STX12: variants seen among roughly 807,000 people sequenced by gnomAD.
The protein encoded by STX12 is syntaxin 12.
In STX12, 17 loss-of-function variants were observed where a neutral mutation model predicts 42.2. The ratio of observed to expected loss-of-function variants is 0.40; its 90% CI spans 0.28 to 0.60. The LOEUF (loss-of-function observed/expected upper bound fraction) is 0.60. Ranked by LOEUF, STX12 falls within the 20% of genes least tolerant of loss-of-function variation. STX12 has a pLI of 0.39. For synonymous variants in STX12, 108 were observed against 116.7 expected, an observed-to-expected ratio of 0.93 and a Z score of 0.48; for missense variants, 297 against 330.9, an observed-to-expected ratio of 0.90 and a Z score of 0.79.
At chr1:27,803,917 C>T (rs1180392612) in intron 4 of STX12, among the ~76,000 whole-genome samples, 1 of 152,018 alleles carries the variant, frequency 6.6e-6, no homozygotes, top group Admixed American at 6.6e-5. Context: ...AGGAGAATCG[C>T]TTGAACCAGG....
intron 1 of STX12, among the ~76,000 whole-genome samples, chr1:27,780,880 G>A (rs1468342062): frequency 6.6e-6 from 1 of 151,770 alleles, no homozygotes; most frequent in Admixed American, 6.6e-5. Flanking sequence ...GATCGCTTGA[G>A]CCTGGGAAGC....
intron 1 of STX12, among the ~76,000 whole-genome samples, chr1:27,775,860 G>A (rs1240847739): frequency 1.3e-5 from 2 of 152,156 alleles, no homozygotes; most frequent in African/African-American, 4.8e-5. Flanking sequence ...CATCATAGTG[G>A]GGAAGCATAG....
intron 2 of STX12, among the ~76,000 whole-genome samples, chr1:27,789,939 A>G (rs1225112578): frequency 1.3e-5 from 2 of 152,190 alleles, no homozygotes; most frequent in Non-Finnish European, 2.9e-5. Context: ...AACTCTGCCT[A>G]AATGAGCTTC....
Position 27,793,593 on chromosome 1 carries a change from A to G in STX12, c.249A>G (p.Glu83=). 3.1e-6 allele frequency: 5 copies of G among 1,614,180 alleles called. No individual in the cohort carries two copies. Among genetic ancestry groups the G allele is most frequent in the Non-Finnish European group, 4.2e-6 (5 of 1,180,010 alleles). ...LAKETNELLK[E]LGSLPLPLST... ...AGGAAACAAATGAATTGCTGAAAGAATTAGGGTCCTTGCCCCTTCCCTTAT... is the reference window on the plus strand; with the variant it reads ...AGGAAACAAATGAATTGCTGAAAGAGTTAGGGTCCTTGCCCCTTCCCTTAT... Residue 83 remains glutamate (E), a synonymous_variant, in exon 3 of 9, where the codon GAA becomes GAG. Transcript: ENST00000373943.
At chr1:27,788,244 T>A (rs2088711920) in intron 1 of STX12, among the ~76,000 whole-genome samples, 1 of 152,192 alleles carries the variant, frequency 6.6e-6, no homozygotes, top group Non-Finnish European at 1.5e-5. Context: ...AGAAATCATA[T>A]AACTAACTTC....
chr1:27,775,300 C>G (rs1020141590), intron 1 of STX12, among the ~76,000 whole-genome samples: 11 of 152,112 alleles, frequency 7.2e-5, no homozygotes, highest in African/African-American at 2.4e-4. Context: ...GAGACAGGGT[C>G]TCACTCTGTC....
intron 6 of STX12, 64 bp downstream of exon 6, chr1:27,812,332 T>C: frequency 1.4e-5 from 16 of 1,158,814 alleles, no homozygotes; most frequent in Non-Finnish European, 2.0e-5. Flanking sequence ...ACTCCTTAGT[T>C]CACTTTAATT....
intron 7 of STX12, among the ~76,000 whole-genome samples, chr1:27,818,725 G>A (rs145632026): frequency 0.021 from 3,263 of 151,848 alleles, 95 homozygotes; most frequent in African/African-American, 0.073. Flanking sequence ...CGCCTCCTGG[G>A]TTCAAACAAT....
chr1:27,792,691 T>G (rs1195517863), intron 2 of STX12, among the ~76,000 whole-genome samples: 8 of 152,094 alleles, frequency 5.3e-5, no homozygotes, highest in African/African-American at 1.9e-4. Flanking sequence ...GGACCCCATC[T>G]CCTAATATTA....
At chr1:27,798,568 C>G (rs2088802704) in intron 3 of STX12, among the ~76,000 whole-genome samples, 1 of 150,776 alleles carries the variant, frequency 6.6e-6, no homozygotes, top group Admixed American at 6.6e-5. Context: ...TTGCTTGAAC[C>G]CAGGAGGCGG....
intron 6 of STX12, among the ~76,000 whole-genome samples, chr1:27,817,553 A>G (rs921268169): frequency 2.6e-5 from 4 of 152,200 alleles, no homozygotes; most frequent in African/African-American, 9.7e-5. Flanking sequence ...TAGGGCTATC[A>G]CACCAAGAAT....
intron 3 of STX12, among the ~76,000 whole-genome samples, chr1:27,799,709 C>A (rs571624279): frequency 1.2e-4 from 18 of 152,028 alleles, no homozygotes; most frequent in African/African-American, 4.3e-4. Context: ...GTCTCCATCT[C>A]CTGGCCTCGT....
intron 6 of STX12, among the ~76,000 whole-genome samples, chr1:27,815,154 A>G (rs962688643): frequency 1.3e-5 from 2 of 152,308 alleles, no homozygotes; most frequent in East Asian, 3.9e-4. Context: ...TGCAAATACT[A>G]TGCCATTTTA....
intron 4 of STX12, among the ~76,000 whole-genome samples, chr1:27,804,439 C>A (rs975521795): frequency 2.7e-5 from 4 of 148,850 alleles, no homozygotes; most frequent in Non-Finnish European, 4.4e-5. Flanking sequence ...AAAAAAATAT[C>A]ATTAAGTTAT....
chr1:27,816,158 A>G (rs191640050), intron 6 of STX12, among the ~76,000 whole-genome samples: 1 of 152,250 alleles, frequency 6.6e-6, no homozygotes, highest in African/African-American at 2.4e-5. Context: ...TCTACTAAAT[A>G]TAAAGAATTA....
chr1:27,817,019 GGAGA>G (rs1192758703), intron 6 of STX12, among the ~76,000 whole-genome samples: 2 of 146,768 alleles, frequency 1.4e-5, no homozygotes, highest in Non-Finnish European at 3.0e-5. Context: ...GAAAGGGAAG[GGAGA>G]GAGAGAGAAG....
rs577327543 is a variant in STX12, at chr1:27,810,592, G to A, written c.470+303G>A. Among the ~76,000 whole-genome samples the A allele has an allele frequency of 3.9e-5, 6 of 152,248 alleles. No individual in the cohort carries two copies. In the South Asian group the frequency reaches 1.2e-3, roughly 32 times the overall value. On this transcript the variant is annotated intron_variant, in intron 5 of 8. Coordinates refer to ENST00000373943, the MANE Select transcript of STX12 (RefSeq NM_177424.3). ...ATGAACCTACATGTCTACAGATTAG[G>A]AAGTCTAAGTCATCTTACCTCTAAT...
intron 4 of STX12, among the ~76,000 whole-genome samples, chr1:27,807,089 G>T (rs182661781): frequency 4.9e-4 from 74 of 152,058 alleles, no homozygotes; most frequent in Non-Finnish European, 7.6e-4. Context: ...CACATGGTAG[G>T]TGTATATATT....
chr1:27,817,427 A>G (rs756251826), intron 6 of STX12, among the ~76,000 whole-genome samples: 1 of 152,228 alleles, frequency 6.6e-6, no homozygotes, highest in Non-Finnish European at 1.5e-5. Flanking sequence ...TCCTCCTTGC[A>G]TTCCTCAGAT....
Sources: allele counts gnomAD v4.1 joint callset (sites outside exome capture counted in the v4.1 genomes callset), GRCh38; gene constraint gnomAD v4.1.1; transcripts MANE v1.5; gene names NCBI Gene and HGNC (gene_info 2026-07-23, HGNC 2026-07-21).